CNBD1: variants seen among roughly 807,000 people sequenced by gnomAD.
CNBD1 encodes the protein cyclic nucleotide-binding domain-containing protein 1.
Under a neutral mutation model 54.4 loss-of-function variants are expected in CNBD1, and 71 were observed. The ratio of observed to expected loss-of-function variants is 1.30; its 90% confidence interval spans 1.08 to 1.59. CNBD1 has a LOEUF of 1.59. CNBD1 is among the 40% of genes most tolerant of loss of function. The probability of loss-of-function intolerance (pLI) is 0.00; values close to 1 mark genes in which losing one functional copy is unlikely to be tolerated. For synonymous variants in CNBD1, 182 were observed against 170.7 expected, an observed-to-expected ratio of 1.07 and a Z score of -0.51; for missense variants, 659 against 518.0, an observed-to-expected ratio of 1.27 and a Z score of -2.64.
rs72668639 is a variant in CNBD1 at position 87,372,430 on chromosome 8, C to A, written c.1304-10190C>A. ...TTCTGTCATTATTTCTGGTTCCTCA[C>A]TGGATAAAAAGTAAATACTTTATAA... On this transcript the variant is annotated intron_variant, in intron 10 of 10. Transcript: ENST00000518476. Among the ~76,000 whole-genome samples, 7 of 151,794 alleles carry A rather than the reference C, an allele frequency of 4.6e-5. No individual in the cohort carries two copies. The South Asian group carries it at 1.2e-3, about 27-fold the overall frequency.
At chr8:86,890,942 T>A (rs1047202763) in intron 2 of CNBD1, among the ~76,000 whole-genome samples, 1 of 136,892 alleles carries the variant, frequency 7.3e-6, no homozygotes, top group Non-Finnish European at 1.6e-5. Flanking sequence ...TTTTAATTGT[T>A]TTTTTTTCCC....
chr8:86,978,345 T>A, intron 4 of CNBD1, among the ~76,000 whole-genome samples: 1 of 152,190 alleles, frequency 6.6e-6, no homozygotes, highest in Admixed American at 6.5e-5. Flanking sequence ...TAAGGAACAC[T>A]CTTTAATCTT....
intron 6 of CNBD1, among the ~76,000 whole-genome samples, chr8:87,282,178 T>C (rs145878193): frequency 9.2e-5 from 14 of 151,868 alleles, no homozygotes; most frequent in Non-Finnish European, 1.9e-4. Flanking sequence ...ACCTATACAA[T>C]ATTTTTCTTT....
At chr8:87,310,754 C>T (rs1809247665) in intron 8 of CNBD1, among the ~76,000 whole-genome samples, 1 of 152,026 alleles carries the variant, frequency 6.6e-6, no homozygotes, top group African/African-American at 2.4e-5. Flanking sequence ...CTACAGTAAC[C>T]AAAACAGCAT....
chr8:87,018,038 G>A (rs1001482929), intron 4 of CNBD1, among the ~76,000 whole-genome samples: 2 of 152,138 alleles, frequency 1.3e-5, no homozygotes, highest in Non-Finnish European at 1.5e-5. Flanking sequence ...GAGGTCAGGA[G>A]TTCAAGACCA....
At chr8:86,901,427 A>G (rs1808931187) in intron 2 of CNBD1, among the ~76,000 whole-genome samples, 1 of 152,212 alleles carries the variant, frequency 6.6e-6, no homozygotes, top group Non-Finnish European at 1.5e-5. Flanking sequence ...CCTCGGGCAA[A>G]CACATAAATA....
At chr8:87,262,649 C>T (rs919639177) in intron 6 of CNBD1, among the ~76,000 whole-genome samples, 7 of 152,102 alleles carry the variant, frequency 4.6e-5, no homozygotes, top group Admixed American at 4.6e-4. Flanking sequence ...GACTAATATG[C>T]CTGCTTTGAA....
At chr8:87,126,442 T>A (rs1236661774) in intron 4 of CNBD1, among the ~76,000 whole-genome samples, 1 of 152,070 alleles carries the variant, frequency 6.6e-6, no homozygotes, top group East Asian at 1.9e-4. Flanking sequence ...TCTGAACCTT[T>A]TACTTGTACA....
In CNBD1 at chr8:86,933,705, G is replaced by A. The variant is rs145129674; in HGVS notation, c.273-5891G>A. On this transcript the variant is annotated intron_variant, in intron 3 of 10. Coordinates refer to ENST00000518476, the MANE Select transcript of CNBD1 (RefSeq NM_173538.3). ...GTTCCATTTTTAAAAACCTGGGTGG[G>A]TACATTAAGATTCATTTTTGTTACT... Among the ~76,000 whole-genome samples the A allele has an allele frequency of 2.8e-3, 430 of 152,008 alleles. 8 individuals carry two copies. Among genetic ancestry groups the A allele is most frequent in the African/African-American group, 9.8e-3 (405 of 41,468 alleles).
chr8:87,084,941 C>T (rs184905094), intron 4 of CNBD1, among the ~76,000 whole-genome samples: 3 of 152,276 alleles, frequency 2.0e-5, no homozygotes, highest in African/African-American at 7.2e-5. Context: ...TCCCAAAGTG[C>T]TGGATTACAG....
At chr8:87,339,996 A>G (rs1810033164) in intron 8 of CNBD1, among the ~76,000 whole-genome samples, 1 of 152,130 alleles carries the variant, frequency 6.6e-6, no homozygotes, top group South Asian at 2.1e-4. Context: ...ATAATTTCAT[A>G]TGCTTTCATG....
chr8:87,214,790 C>A (rs1223296577), intron 5 of CNBD1, among the ~76,000 whole-genome samples: 1 of 152,026 alleles, frequency 6.6e-6, no homozygotes, highest in Admixed American at 6.6e-5. Flanking sequence ...AAATGGAAAC[C>A]CCTTCTAAAA....
chr8:86,954,755 T>G (rs938509724), intron 4 of CNBD1, among the ~76,000 whole-genome samples: 1 of 152,226 alleles, frequency 6.6e-6, no homozygotes, highest in East Asian at 1.9e-4. Flanking sequence ...AAGGTCTGAC[T>G]ATTTTCAGCA....
At chr8:87,427,660 C>A (rs918355486) in intron 2 of CNBD1, among the ~76,000 whole-genome samples, 1 of 152,110 alleles carries the variant, frequency 6.6e-6, no homozygotes, top group African/African-American at 2.4e-5. Flanking sequence ...AAAATGCTTT[C>A]ATCACAAGTA....
chr8:87,424,921 A>C (rs1808018116), intron 2 of CNBD1, among the ~76,000 whole-genome samples: 2 of 152,122 alleles, frequency 1.3e-5, no homozygotes, highest in African/African-American at 2.4e-5. Flanking sequence ...AGTGTTTTCC[A>C]ACTTGGTTCC....
intron 8 of CNBD1, among the ~76,000 whole-genome samples, chr8:87,293,003 C>CT (rs369914466): frequency 1.6e-3 from 248 of 152,238 alleles, no homozygotes; most frequent in Middle Eastern, 3.4e-3. Context: ...TGATAAACGA[C>CT]TTTTTATTTA....
chr8:87,053,084 A>G (rs1487746908), intron 4 of CNBD1, among the ~76,000 whole-genome samples: 1 of 152,140 alleles, frequency 6.6e-6, no homozygotes, highest in Non-Finnish European at 1.5e-5. Context: ...TTTTCCAGGA[A>G]TTAGTTTCTC....
chr8:87,369,067 AT>A (rs767886310), intron 10 of CNBD1, among the ~76,000 whole-genome samples: 20 of 152,032 alleles, frequency 1.3e-4, no homozygotes, highest in African/African-American at 4.6e-4. Flanking sequence ...TAACTCAATA[AT>A]TTTTTTAATC....
At chr8:86,981,138 G>A (rs1808476891) in intron 4 of CNBD1, among the ~76,000 whole-genome samples, 3 of 152,200 alleles carry the variant, frequency 2.0e-5, no homozygotes, top group Admixed American at 2.0e-4. Flanking sequence ...ACTATGGAAA[G>A]ACTCTGGCAT....
Sources: gnomAD v4.1 joint callset for allele counts (sites outside exome capture counted in the v4.1 genomes callset) on GRCh38, gnomAD v4.1.1 for gene constraint, MANE v1.5 for transcripts, NCBI Gene and HGNC (gene_info 2026-07-23, HGNC 2026-07-21) for gene names.